The following VAT1L variants were observed in gnomAD, a reference collection of about 807,000 sequenced individuals.
The protein encoded by VAT1L is putative NADPH-dependent quinone oxidoreductase VAT1L.
In VAT1L, 34 loss-of-function variants were observed where a neutral mutation model predicts 44.1. The observed-to-expected ratio is 0.77, with a 90% CI of 0.59 to 1.03. The LOEUF (loss-of-function observed/expected upper bound fraction) is 1.03, where lower values mean the gene tolerates loss of function less well. VAT1L is among the 50% of genes least tolerant of loss of function. The pLI is 0.00. For synonymous variants in VAT1L, 253 were observed against 202.2 expected (o/e 1.25, Z -2.13); for missense variants, 615 against 538.8 (o/e 1.14, Z -1.40).
chr16:77,805,576 A>G (rs1157506367), intron 1 of VAT1L, among the ~76,000 whole-genome samples: 1 of 102,004 alleles, frequency 9.8e-6, no homozygotes, highest in Non-Finnish European at 2.2e-5. Context: ...GCTTGGCACA[A>G]AGCCTCGCAC....
At chr16:77,938,141 AG>A (rs2017826927) in intron 7 of VAT1L, among the ~76,000 whole-genome samples, 1 of 152,204 alleles carries the variant, frequency 6.6e-6, no homozygotes, top group Non-Finnish European at 1.5e-5. Context: ...CTAATGAATC[AG>A]AAGTTATTAG....
chr16:77,809,874 C>T (rs944005200), intron 1 of VAT1L, among the ~76,000 whole-genome samples: 6 of 152,200 alleles, frequency 3.9e-5, no homozygotes, highest in African/African-American at 1.2e-4. Context: ...TCTTCACAAA[C>T]ATCCTTAGTA....
In VAT1L at chr16:77,788,596, A is replaced by G; in HGVS notation, c.-87A>G. 2 of 1,446,074 alleles carry G rather than the reference A, an allele frequency of 1.4e-6. No homozygotes were observed. The highest frequency in any genetic ancestry group is 1.9e-6 in the Non-Finnish European group (2 of 1,065,804). 89.6% of individuals were successfully genotyped at this position (1,446,074 alleles called of 1,614,324 possible). Reference sequence around the variant, plus strand: ...AGCCGAGCATCCCACATTCAACAGGAGGAACCCGCGGGAGAGGAGCCCCAC... The same window carrying G: ...AGCCGAGCATCCCACATTCAACAGGGGGAACCCGCGGGAGAGGAGCCCCAC... On this transcript the variant is annotated 5_prime_UTR_variant, in exon 1 of 9. Coordinates refer to ENST00000302536, the MANE Select transcript of VAT1L (RefSeq NM_020927.3).
chr16:77,979,701 T>C lies in VAT1L; in HGVS notation c.*2006T>C, dbSNP rs151206757. On this transcript the variant is annotated 3_prime_UTR_variant, in exon 9 of 9. Transcript: ENST00000302536. ...CCCACCACCCCTACCAAATCTGGGT[T>C]TGGTTTGGTTTTATTTAACTAGCAA... is the stretch of plus-strand genomic sequence containing the variant. The C allele has an allele frequency of 6.0e-4, 92 of 152,546 alleles. No individual in the cohort carries two copies. Among genetic ancestry groups the C allele is most frequent in the African/African-American group, 2.0e-3 (85 of 41,558 alleles). 9.4% of individuals were successfully genotyped at this position (152,546 alleles called of 1,614,324 possible). A position where few individuals can be genotyped will look rare whatever the true frequency, so the allele number is the denominator to read the frequency against.
At chr16:77,844,044 G>C (rs2016733394) in intron 3 of VAT1L, among the ~76,000 whole-genome samples, 1 of 152,164 alleles carries the variant, frequency 6.6e-6, no homozygotes, top group South Asian at 2.1e-4. Flanking sequence ...CTGTCCTCAA[G>C]GACCATCTGT....
At chr16:77,882,440 A>G (rs1056371473) in intron 6 of VAT1L, 3 of 152,266 alleles carry the variant, frequency 2.0e-5, no homozygotes, top group African/African-American at 7.2e-5. Context: ...CATCTTGTTC[A>G]AATTAAGATA....
At chr16:77,861,519 A>G (rs1456975318) in intron 3 of VAT1L, among the ~76,000 whole-genome samples, 1 of 152,258 alleles carries the variant, frequency 6.6e-6, no homozygotes, top group Non-Finnish European at 1.5e-5. Context: ...AATGGATATA[A>G]TAAGCCCCTA....
chr16:77,947,918 C>G (rs1193282629), intron 7 of VAT1L, among the ~76,000 whole-genome samples: 1 of 152,160 alleles, frequency 6.6e-6, no homozygotes, highest in Non-Finnish European at 1.5e-5. Context: ...TGCCACCACG[C>G]CCAGCTAATT....
At chr16:77,944,820 T>C (rs2017939091) in intron 7 of VAT1L, among the ~76,000 whole-genome samples, 2 of 152,198 alleles carry the variant, frequency 1.3e-5, no homozygotes, top group South Asian at 2.1e-4. Context: ...GTCTCTTCTC[T>C]GTGCCAAGAC....
chr16:77,939,491 A>G (rs1290911421), intron 7 of VAT1L, among the ~76,000 whole-genome samples: 1 of 152,206 alleles, frequency 6.6e-6, no homozygotes, highest in Non-Finnish European at 1.5e-5. Flanking sequence ...CTGTTGTTAC[A>G]TATTGACCAT....
At chr16:77,811,786 A>C (rs2966057) in intron 1 of VAT1L, among the ~76,000 whole-genome samples, 33,866 of 152,126 alleles carry the variant, frequency 0.22, 3,988 homozygotes, top group South Asian at 0.3. Context: ...CAGAAAAGAA[A>C]GTGTAGAGGC....
intron 7 of VAT1L, among the ~76,000 whole-genome samples, chr16:77,946,279 C>CTTTTTTTTT (rs66461822): frequency 0.017 from 1,191 of 70,348 alleles, 304 homozygotes; most frequent in South Asian, 0.025. Flanking sequence ...GTTACTTGTT[C>CTTTTTTTTT]TTTTTTTTTT....
At chr16:77,851,229 T>C (rs567234204) in intron 3 of VAT1L, among the ~76,000 whole-genome samples, 60 of 152,286 alleles carry the variant, frequency 3.9e-4, no homozygotes, top group African/African-American at 1.3e-3. Context: ...TGGTTACAGA[T>C]TGAACCTTTC....
intron 4 of VAT1L, among the ~76,000 whole-genome samples, chr16:77,874,654 C>T (rs548992438): frequency 1.3e-5 from 2 of 152,164 alleles, no homozygotes; most frequent in South Asian, 2.1e-4. Context: ...GGAAAATTCT[C>T]CATTTACACA....
intron 1 of VAT1L, among the ~76,000 whole-genome samples, chr16:77,790,592 A>C (rs1168821028): frequency 6.6e-6 from 1 of 152,164 alleles, no homozygotes; most frequent in Non-Finnish European, 1.5e-5. Context: ...TAACCACTTC[A>C]TCAAAAAAAA....
chr16:77,902,930 G>C (rs937806331), intron 7 of VAT1L, among the ~76,000 whole-genome samples: 8 of 142,530 alleles, frequency 5.6e-5, no homozygotes, highest in African/African-American at 2.1e-4. Flanking sequence ...CTGAGATGGA[G>C]CCACTGCACT....
chr16:77,933,005 G>T (rs1451225377), intron 7 of VAT1L, among the ~76,000 whole-genome samples: 1 of 152,192 alleles, frequency 6.6e-6, no homozygotes, highest in Non-Finnish European at 1.5e-5. Flanking sequence ...TGATCGCATG[G>T]CCCCACCTGA....
chr16:77,869,781 G>T (rs1433246696), intron 4 of VAT1L, among the ~76,000 whole-genome samples: 2 of 152,182 alleles, frequency 1.3e-5, no homozygotes, highest in Admixed American at 1.3e-4. Context: ...GGAGCACAAA[G>T]CCCACAGAGG....
At chr16:77,896,472 CAAAAGG>C (rs2017326234) in intron 7 of VAT1L, among the ~76,000 whole-genome samples, 1 of 152,154 alleles carries the variant, frequency 6.6e-6, no homozygotes. Flanking sequence ...ACCTAATGTA[CAAAAGG>C]TACTTAGCTT....
Sources: allele counts gnomAD v4.1 joint callset (sites outside exome capture counted in the v4.1 genomes callset), GRCh38; gene constraint gnomAD v4.1.1; transcripts MANE v1.5; gene names NCBI Gene and HGNC (gene_info 2026-07-23, HGNC 2026-07-21).